Variants in UNC13B observed in about 807,000 individuals in gnomAD.
UNC13B encodes the protein unc-13 homolog B.
UNC13B carries 144 observed loss-of-function variants against 211.0 expected under a neutral mutation model. That is an observed-to-expected ratio of 0.68 (90% CI 0.60 to 0.78). UNC13B has a LOEUF of 0.78. UNC13B is among the 30% of genes least tolerant of loss of function. The pLI is 0.00. For missense variants in UNC13B, 1,777 were observed against 2,002.0 expected (o/e 0.89, Z 2.14); for synonymous variants, 709 against 725.8 (o/e 0.98, Z 0.37).
intron 5 of UNC13B, 89 bp from the exon 6 acceptor site, chr9:35,243,202 A>T: frequency 2.3e-6 from 3 of 1,304,256 alleles, no homozygotes; most frequent in Non-Finnish European, 3.3e-6. Context: ...TTCTGACTTC[A>T]GTCATTAGAC....
At chr9:35,399,481 TG>T (rs1836137926) in intron 35 of UNC13B, 33 bp downstream of exon 35, 1 of 1,613,756 alleles carries the variant, frequency 6.2e-7, no homozygotes, top group Non-Finnish European at 8.5e-7. Flanking sequence ...CTGGCAGGTG[TG>T]GTCCTTCTGA....
At position 35,376,223 on chromosome 9, in the gene UNC13B, C is replaced by T; in HGVS notation, c.9811C>T (p.Leu3271=). 3.1e-6 allele frequency: 5 copies of T among 1,613,930 alleles called. No homozygotes were observed. Among genetic ancestry groups the T allele is most frequent in the Non-Finnish European group, 4.2e-6 (5 of 1,180,026 alleles). ...CAAGTGCCATGAGAAGTGCCAGGAT[C>T]TGCTCAATGCTGACTGCCTGCAGCG... ...GVKCHEKCQD[L]LNADCLQRAA... The change falls in exon 15 of 40, where the codon CTG becomes TTG. Residue 3271 remains leucine, a synonymous_variant. Coordinates refer to ENST00000635942, the MANE Select transcript of UNC13B (RefSeq NM_001371189.2).
At position 35,199,157 on chromosome 9, in the gene UNC13B, A is replaced by G. The variant is rs191666001; in HGVS notation, c.23-28858A>G. ...GGTTTCCAGCTTCATTCATGTCCCT[A>G]CAAAGGACATGAACTCATCCTTTTT... On this transcript the variant is annotated intron_variant, in intron 1 of 39. Transcript: ENST00000635942. 2.6e-3 allele frequency among the ~76,000 whole-genome samples: 401 copies of G among 152,184 alleles called. 1 individual carries two copies. Among genetic ancestry groups the G allele is most frequent in the African/African-American group, 8.8e-3 (366 of 41,526 alleles).
intron 11 of UNC13B, among the ~76,000 whole-genome samples, chr9:35,333,740 T>C (rs528156399): frequency 1.3e-5 from 2 of 152,330 alleles, no homozygotes; most frequent in South Asian, 4.1e-4. Context: ...CTCTCTCAAA[T>C]TCTTGTACAT....
At chr9:35,392,580 G>A (rs1036765801) in intron 26 of UNC13B, among the ~76,000 whole-genome samples, 5 of 150,178 alleles carry the variant, frequency 3.3e-5, no homozygotes, top group African/African-American at 1.2e-4. Flanking sequence ...CTCATAGGTG[G>A]GAATTGAGCA....
At chr9:35,278,546 C>T (rs1169479889) in intron 7 of UNC13B, among the ~76,000 whole-genome samples, 4 of 152,054 alleles carry the variant, frequency 2.6e-5, no homozygotes, top group African/African-American at 9.7e-5. Flanking sequence ...TTTTTAAAAT[C>T]CCAGAAGGCA....
chr9:35,185,754 C>T (rs1822321910), intron 1 of UNC13B, among the ~76,000 whole-genome samples: 2 of 148,348 alleles, frequency 1.3e-5, no homozygotes, highest in African/African-American at 2.5e-5. Flanking sequence ...AACCCCATCT[C>T]TATTAAAATA....
At chr9:35,281,403 C>A (rs1828482055) in intron 7 of UNC13B, among the ~76,000 whole-genome samples, 1 of 139,520 alleles carries the variant, frequency 7.2e-6, no homozygotes, top group South Asian at 2.3e-4. Flanking sequence ...GAGTGAGAGA[C>A]TGTCTCAAAA....
intron 22 of UNC13B, 84 bp from the exon 23 acceptor site, chr9:35,385,640 G>A: frequency 6.7e-7 from 1 of 1,484,732 alleles, no homozygotes; most frequent in Non-Finnish European, 9.0e-7. Context: ...TAACAATTAG[G>A]GAAGCTTTTG....
intron 9 of UNC13B, among the ~76,000 whole-genome samples, chr9:35,308,852 G>GT (rs1161813771): frequency 1.3e-5 from 2 of 152,134 alleles, no homozygotes; most frequent in Non-Finnish European, 2.9e-5. Context: ...ATTTTGCTTT[G>GT]TTTTTTCAAG....
rs368306424 is a variant in UNC13B at position 35,211,068 on chromosome 9, G to C, written c.23-16947G>C. ...AAAATTGTTTTTGGCAGTTTTGTGT[G>C]GCAAATATAAAAGTCATTTTAAGCT... On this transcript the variant is annotated intron_variant, in intron 1 of 39. Transcript: ENST00000635942. 6.1e-4 allele frequency among the ~76,000 whole-genome samples: 93 copies of C among 152,182 alleles called. 4 individuals are homozygous for C. In the South Asian group the frequency reaches 0.018, roughly 30 times the overall value.
chr9:35,391,886 A>T (rs1835558870), intron 26 of UNC13B, among the ~76,000 whole-genome samples: 1 of 152,240 alleles, frequency 6.6e-6, no homozygotes. Context: ...ATGACAGCTC[A>T]GCCAGCCCTG....
chr9:35,189,255 A>G (rs993293880), intron 1 of UNC13B, among the ~76,000 whole-genome samples: 1 of 152,196 alleles, frequency 6.6e-6, no homozygotes, highest in Non-Finnish European at 1.5e-5. Context: ...AACTCTTAGC[A>G]ACTTTTACTT....
At position 35,350,536 on chromosome 9, in the gene UNC13B, G is replaced by GC. The variant is rs575261254; in HGVS notation, c.9415-16410dup. On this transcript the variant is annotated intron_variant, in intron 11 of 39. Transcript: ENST00000635942. ...AAGCCCTTAGAGAGTATTAAGTGGA[G>GC]CTCAGGAGCACCAAGCTAAGCCTAA... Among the ~76,000 whole-genome samples, 8 of 152,272 alleles carry GC rather than the reference G, an allele frequency of 5.3e-5. No homozygotes were observed. The East Asian group carries it at 1.4e-3, about 26-fold the overall frequency.
intron 1 of UNC13B, among the ~76,000 whole-genome samples, chr9:35,189,214 T>C (rs1461750094): frequency 6.6e-6 from 1 of 152,228 alleles, no homozygotes. Context: ...TGTAAAACTG[T>C]TTAGTGACCT....
intron 1 of UNC13B, among the ~76,000 whole-genome samples, chr9:35,203,658 G>A (rs1171879793): frequency 6.6e-6 from 1 of 152,142 alleles, no homozygotes; most frequent in Non-Finnish European, 1.5e-5. Context: ...GGTATGTGGT[G>A]GAAGAAATTT....
At chr9:35,291,164 C>A (rs1829081114) in intron 7 of UNC13B, 2 of 1,476,166 alleles carry the variant, frequency 1.4e-6, no homozygotes, top group Non-Finnish European at 9.2e-7. Flanking sequence ...GTACATACTC[C>A]CTCTGAACTG....
chr9:35,173,267 A>T (rs571995081), intron 1 of UNC13B, among the ~76,000 whole-genome samples: 52 of 152,268 alleles, frequency 3.4e-4, no homozygotes, highest in Middle Eastern at 3.4e-3. Context: ...CTGCAAAAGG[A>T]TAGAGGAAAT....
chr9:35,181,089 C>T (rs568559732), intron 1 of UNC13B, among the ~76,000 whole-genome samples: 41 of 152,158 alleles, frequency 2.7e-4, no homozygotes, highest in East Asian at 7.7e-4. Flanking sequence ...CAGAATGAGA[C>T]GCTGTTTCAA....
Sources: allele counts gnomAD v4.1 joint callset (sites outside exome capture counted in the v4.1 genomes callset), GRCh38; gene constraint gnomAD v4.1.1; transcripts MANE v1.5; gene names NCBI Gene and HGNC (gene_info 2026-07-23, HGNC 2026-07-21).